MB: variants seen among roughly 807,000 people sequenced by gnomAD.
MB encodes nitrite reductase MB.
Under a neutral mutation model 14.5 loss-of-function variants are expected in MB, and 10 were observed. The observed-to-expected ratio is 0.69, with a 90% CI of 0.43 to 1.17. The LOEUF is 1.17. Ranked by LOEUF, MB falls within the 50% of genes most tolerant of loss-of-function variation. The pLI is 0.00. For missense variants in MB, 169 were observed against 192.7 expected, an observed-to-expected ratio of 0.88 and a Z score of 0.73; for synonymous variants, 89 against 78.6, an observed-to-expected ratio of 1.13 and a Z score of -0.70.
upstream of MB, among the ~76,000 whole-genome samples, chr22:35,618,121 A>G (rs796616495): frequency 2.0e-5 from 3 of 152,246 alleles, no homozygotes; most frequent in African/African-American, 7.2e-5. Flanking sequence ...GCATTTGGTA[A>G]CTCATTTAAT....
chr22:35,611,929 T>G (rs1384914642), intron 1 of MB, among the ~76,000 whole-genome samples: 1 of 150,986 alleles, frequency 6.6e-6, no homozygotes, highest in African/African-American at 2.4e-5. Flanking sequence ...TGTGAGCAGG[T>G]GGGTGCTGGT....
chr22:35,611,188 G>A, intron 1 of MB, 82 bp from the exon 2 acceptor site: 1 of 952,346 alleles, frequency 1.1e-6, no homozygotes, highest in Non-Finnish European at 1.7e-6. Flanking sequence ...TTCAAGTTTA[G>A]CTCCCTGTCT....
upstream of MB, among the ~76,000 whole-genome samples, chr22:35,621,340 A>G (rs1477782091): frequency 3.3e-5 from 5 of 152,150 alleles, no homozygotes; most frequent in Non-Finnish European, 7.4e-5. Context: ...TGAATCCAAA[A>G]CTGAGACTTG....
intron 1 of MB, 27 bp from the exon 2 acceptor site, chr22:35,611,133 G>A (rs757680229): frequency 4.2e-5 from 66 of 1,555,740 alleles, no homozygotes; most frequent in East Asian, 2.0e-4. Flanking sequence ...GGCTGGAGTC[G>A]GCATGGGAGG....
chr22:35,609,709 T>C (rs1922443771), intron 2 of MB, among the ~76,000 whole-genome samples: 1 of 152,172 alleles, frequency 6.6e-6, no homozygotes, highest in Non-Finnish European at 1.5e-5. Context: ...GGTACTTGCC[T>C]GGGGCAGAGA....
chr22:35,610,381 C>A (rs1186785872), intron 2 of MB, among the ~76,000 whole-genome samples: 28 of 152,162 alleles, frequency 1.8e-4, no homozygotes, highest in Admixed American at 1.8e-3. Flanking sequence ...AAATTGAGCC[C>A]CACTTGCTGA....
chr22:35,618,755 T>C (rs1439423687), upstream of MB, among the ~76,000 whole-genome samples: 1 of 151,534 alleles, frequency 6.6e-6, no homozygotes, highest in Non-Finnish European at 1.5e-5. Context: ...TATCCATCCA[T>C]CCATGTGTTC....
intron 2 of MB, among the ~76,000 whole-genome samples, 196 bp downstream of exon 2, chr22:35,610,688 T>C (rs1359497271): frequency 6.6e-6 from 1 of 152,154 alleles, no homozygotes; most frequent in Non-Finnish European, 1.5e-5. Context: ...ATGCTAAGTG[T>C]GTTCATTCTC....
At chr22:35,620,999 C>G (rs56031603), upstream of MB, among the ~76,000 whole-genome samples, 8,725 of 152,290 alleles carry the variant, frequency 0.057, 327 homozygotes, top group Non-Finnish European at 0.084. Context: ...AATGGGAAGG[C>G]ACCGACATCT....
At chr22:35,617,604 C>T (rs772877694), upstream of MB, 4 of 233,184 alleles carry the variant, frequency 1.7e-5, no homozygotes, top group Non-Finnish European at 3.3e-5. Flanking sequence ...CTCTCATAGC[C>T]GACAGAAAGG....
chr22:35,612,264 C>A lies in MB; in HGVS notation c.96-1158G>T, dbSNP rs537526878. ...TATTGTGGCCACACTCCAGTTTGCG[C>A]CCTGAGCCACCATGCCCAGAAGTTG... On this transcript the variant is annotated intron_variant, in intron 1 of 2. Transcript: ENST00000397326. 7.2e-5 allele frequency among the ~76,000 whole-genome samples: 11 copies of A among 152,308 alleles called. No individual in the cohort carries two copies. The South Asian group carries it at 2.3e-3, about 32-fold the overall frequency.
chr22:35,611,365 T>A (rs1212968310), intron 1 of MB, among the ~76,000 whole-genome samples: 1 of 152,204 alleles, frequency 6.6e-6, no homozygotes, highest in African/African-American at 2.4e-5. Flanking sequence ...ATTCCCATTT[T>A]ACAGATGTGG....
chr22:35,611,895 G>C (rs1481621662), intron 1 of MB, among the ~76,000 whole-genome samples: 1 of 152,124 alleles, frequency 6.6e-6, no homozygotes, highest in Non-Finnish European at 1.5e-5. Flanking sequence ...CCCACCTCCA[G>C]CTTTAGACCT....
chr22:35,622,750 C>T (rs936922177), intron 1 of MB, among the ~76,000 whole-genome samples: 2 of 152,022 alleles, frequency 1.3e-5, no homozygotes, highest in Non-Finnish European at 2.9e-5. Flanking sequence ...TTGGAGGCTC[C>T]GAGTGGCTCC....
Position 35,617,286 on chromosome 22 carries a change from A to C in MB, c.-29T>G. ...GCAGTCTGAAGAAGACAAAAAGAGCAAGTATGGGCTCACTGGGTGTCCTGG... is the reference window on the plus strand; with the variant it reads ...GCAGTCTGAAGAAGACAAAAAGAGCCAGTATGGGCTCACTGGGTGTCCTGG... On this transcript the variant is annotated 5_prime_UTR_variant, in exon 1 of 3. Coordinates refer to ENST00000397326, the MANE Select transcript of MB (RefSeq NM_005368.3). The C allele has an allele frequency of 6.3e-7, 1 of 1,580,962 alleles. No homozygotes were observed. The highest frequency in any genetic ancestry group is 8.7e-7 in the Non-Finnish European group (1 of 1,149,896).
At chr22:35,619,605 T>C (rs192460167), upstream of MB, among the ~76,000 whole-genome samples, 40 of 152,234 alleles carry the variant, frequency 2.6e-4, no homozygotes, top group Non-Finnish European at 4.0e-4. Context: ...TCCATCTGAA[T>C]AGTCAGCATC....
At chr22:35,617,386 G>T, upstream of MB, 1 of 643,418 alleles carries the variant, frequency 1.6e-6, no homozygotes. Context: ...GACAAAGATC[G>T]CTCAATGGCT....
rs76536744 is a variant in MB at position 35,608,854 on chromosome 22, G to A, written c.319-1411C>T. ...ATAATTGAGAAATGGAAACACTCTC[G>A]GCACCCACCACCCTGTACAGCCCCT... On this transcript the variant is annotated intron_variant, in intron 2 of 2. Coordinates refer to ENST00000397326, the MANE Select transcript of MB (RefSeq NM_005368.3). The surrounding 1 kb of genome is among the most constrained non-coding windows in gnomAD (Gnocchi z 4.3). 5.8e-3 allele frequency among the ~76,000 whole-genome samples: 884 copies of A among 152,200 alleles called. 6 individuals carry two copies. The highest frequency in any genetic ancestry group is 0.019 in the African/African-American group (779 of 41,504).
rs141810811 is a variant in MB at position 35,622,751 on chromosome 22, G to A, written c.-9+440C>T. The stretch of plus-strand genomic sequence containing the variant: ...CACCCTCCCCAGCCTTGGAGGCTCC[G>A]AGTGGCTCCTCCAGCTCCACCATCC... On this transcript the variant is annotated intron_variant, in intron 1 of 3. Transcript: ENST00000359787. 1.9e-3 allele frequency among the ~76,000 whole-genome samples: 275 copies of A among 146,718 alleles called. No individual in the cohort carries two copies. In the Middle Eastern group the frequency reaches 0.031, roughly 16 times the overall value.
Sources: allele counts gnomAD v4.1 joint callset (sites outside exome capture counted in the v4.1 genomes callset), GRCh38; gene constraint gnomAD v4.1.1; non-coding constraint Gnocchi (gnomAD v3.1); transcripts MANE v1.5; gene names NCBI Gene and HGNC (gene_info 2026-07-23, HGNC 2026-07-21).